GALNT10: variants seen among roughly 807,000 people sequenced by gnomAD.
The protein encoded by GALNT10 is polypeptide N-acetylgalactosaminyltransferase 10.
Under a neutral mutation model 75.0 loss-of-function variants are expected in GALNT10, and 41 were observed. That is an observed-to-expected ratio of 0.55 (90% CI 0.43 to 0.71). The LOEUF (loss-of-function observed/expected upper bound fraction) is 0.71, where lower values mean the gene tolerates loss of function less well. Among genes scored for constraint, GALNT10 ranks in the 30% least tolerant of loss-of-function variants. The pLI is 0.00. For synonymous variants in GALNT10, 302 were observed against 313.0 expected (o/e 0.96, Z 0.37); for missense variants, 727 against 818.5 (o/e 0.89, Z 1.36).
chr5:154,399,523 G>A (rs1208734362), intron 7 of GALNT10, among the ~76,000 whole-genome samples: 2 of 152,194 alleles, frequency 1.3e-5, no homozygotes, highest in African/African-American at 4.8e-5. Flanking sequence ...TTCTGCCCGA[G>A]AAACAAGGAA....
At chr5:154,359,195 C>T (rs34453739) in intron 4 of GALNT10, among the ~76,000 whole-genome samples, 13,601 of 152,148 alleles carry the variant, frequency 0.089, 1,461 homozygotes, top group African/African-American at 0.25. Flanking sequence ...TAAACGCACC[C>T]TCCTAACCAC....
chr5:154,326,720 G>T (rs1484285556), intron 3 of GALNT10, among the ~76,000 whole-genome samples: 1 of 152,154 alleles, frequency 6.6e-6, no homozygotes, highest in African/African-American at 2.4e-5. Context: ...GCAGATTAGG[G>T]ATTGCTAGCA....
intron 1 of GALNT10, among the ~76,000 whole-genome samples, chr5:154,268,199 G>T (rs1004518717): frequency 6.6e-6 from 1 of 152,172 alleles, no homozygotes; most frequent in Non-Finnish European, 1.5e-5. Context: ...TTGTAAGGGA[G>T]CAAGTCCCTA....
intron 1 of GALNT10, among the ~76,000 whole-genome samples, chr5:154,205,786 G>A (rs945698554): frequency 6.6e-6 from 1 of 152,188 alleles, no homozygotes; most frequent in African/African-American, 2.4e-5. Context: ...GAGTGATGCT[G>A]CCCTAAGCCA....
At position 154,191,012 on chromosome 5, in the gene GALNT10, C is replaced by G; in HGVS notation, c.146C>G (p.Pro49Arg). The change falls in exon 1 of 12, where the codon CCG (proline) becomes CGG (arginine). Residue 49 changes from proline to arginine, a missense_variant. Pro to Arg is a moderately radical substitution (Grantham distance 103, BLOSUM62 -2). Coordinates refer to ENST00000297107, the MANE Select transcript of GALNT10 (RefSeq NM_198321.4). The part of the protein sequence containing the change: ...TPGGSGAAVA[P>R]AAGQGSHSRQ... ...GGGGGATCGGGGGCGGCGGTGGCGC[C>G]GGCGGCGGGACAGGTGAGTCCCCCC... The G allele has an allele frequency of 6.9e-7, 1 of 1,456,868 alleles. No homozygotes were observed. The highest frequency in any genetic ancestry group is 9.1e-7 in the Non-Finnish European group (1 of 1,099,582). The allele number at this position is 1,456,868 out of a possible 1,614,324, so 90.2% of individuals were successfully genotyped here. A position where few individuals can be genotyped will look rare whatever the true frequency, so the allele number is the denominator to read the frequency against.
chr5:154,369,585 C>G (rs913005078), intron 4 of GALNT10, among the ~76,000 whole-genome samples: 1 of 152,200 alleles, frequency 6.6e-6, no homozygotes, highest in East Asian at 1.9e-4. Flanking sequence ...TGTTTACTAA[C>G]GTGTACCCTC....
intron 3 of GALNT10, among the ~76,000 whole-genome samples, chr5:154,305,788 A>C (rs1242566946): frequency 1.3e-5 from 2 of 152,220 alleles, no homozygotes; most frequent in East Asian, 3.9e-4. Flanking sequence ...GAGGCCAAGG[A>C]GGGCGGATCA....
intron 1 of GALNT10, among the ~76,000 whole-genome samples, chr5:154,206,376 A>C (rs1048558855): frequency 1.3e-5 from 2 of 152,100 alleles, no homozygotes; most frequent in African/African-American, 4.8e-5. Context: ...GTCCCCACTA[A>C]ATTGATTTGG....
intron 4 of GALNT10, among the ~76,000 whole-genome samples, chr5:154,362,169 A>C (rs1023246526): frequency 6.6e-6 from 1 of 152,214 alleles, no homozygotes; most frequent in Non-Finnish European, 1.5e-5. Context: ...TATCCCCCTC[A>C]TTCCAACAAT....
intron 3 of GALNT10, among the ~76,000 whole-genome samples, chr5:154,325,482 C>T (rs1754743317): frequency 1.3e-5 from 2 of 151,974 alleles, no homozygotes; most frequent in Non-Finnish European, 2.9e-5. Context: ...ACTAGCAAAC[C>T]ATATTCAGCA....
chr5:154,393,553 C>T (rs142170736), intron 7 of GALNT10, among the ~76,000 whole-genome samples: 1 of 152,256 alleles, frequency 6.6e-6, no homozygotes, highest in South Asian at 2.1e-4. Context: ...GAAGAAGGGG[C>T]CAGGCACAGT....
intron 4 of GALNT10, among the ~76,000 whole-genome samples, chr5:154,354,592 G>C (rs1026991586): frequency 6.6e-6 from 1 of 152,190 alleles, no homozygotes; most frequent in African/African-American, 2.4e-5. Context: ...TACTCAGAAA[G>C]CCCCATCCCA....
chr5:154,400,473 G>A (rs922525507), intron 7 of GALNT10, among the ~76,000 whole-genome samples: 6 of 152,122 alleles, frequency 3.9e-5, no homozygotes, highest in African/African-American at 1.4e-4. Flanking sequence ...CCCTACACCA[G>A]CTCCAGAGCC....
intron 1 of GALNT10, among the ~76,000 whole-genome samples, chr5:154,235,782 T>A (rs1019951106): frequency 2.0e-5 from 3 of 152,176 alleles, no homozygotes; most frequent in African/African-American, 7.2e-5. Context: ...AGTTGGATAG[T>A]GCTTTGGGGT....
At position 154,219,803 on chromosome 5, in the gene GALNT10, C is replaced by T. The variant is rs528808056; in HGVS notation, c.159+28778C>T. 78 of 141,220 alleles carry T rather than the reference C, an allele frequency of 5.5e-4. 1 individual carries two copies. The highest frequency in any genetic ancestry group is 2.2e-3 in the African/African-American group (78 of 36,204). 8.7% of individuals were successfully genotyped at this position (141,220 alleles called of 1,614,324 possible). On this transcript the variant is annotated intron_variant, in intron 1 of 11. Transcript: ENST00000297107. ...AGTGAATTCTGTAAGATCTCAAACA[C>T]TCTCTCGCGCTCTCTCTCTCTCTCT... is the stretch of plus-strand genomic sequence containing the variant.
At chr5:154,283,461 A>T (rs1037443721) in intron 1 of GALNT10, among the ~76,000 whole-genome samples, 3 of 152,102 alleles carry the variant, frequency 2.0e-5, no homozygotes, top group East Asian at 1.9e-4. Context: ...TCTCTTAAAA[A>T]AAATAAATAA....
Position 154,386,297 on chromosome 5 carries a change from T to C in GALNT10, c.939-16T>C. On this transcript the variant is annotated splice_polypyrimidine_tract_variant and intron_variant, in intron 6 of 11. Coordinates refer to ENST00000297107, the MANE Select transcript of GALNT10 (RefSeq NM_198321.4). ...GGACATCTGCACCTTCACACCATGT[T>C]CTTCTTCTCTGACAGGTCTCCCGTG... 6.3e-7 allele frequency: 1 copy of C among 1,592,412 alleles called. No individual in the cohort carries two copies. The highest frequency in any genetic ancestry group is 8.6e-7 in the Non-Finnish European group (1 of 1,160,846).
At chr5:154,342,696 C>T (rs758711521) in intron 4 of GALNT10, among the ~76,000 whole-genome samples, 4 of 152,174 alleles carry the variant, frequency 2.6e-5, no homozygotes, top group Non-Finnish European at 5.9e-5. Flanking sequence ...GTTAAGATGC[C>T]TACAGCCTTG....
intron 1 of GALNT10, among the ~76,000 whole-genome samples, chr5:154,290,302 C>T (rs1331993781): frequency 1.5e-5 from 2 of 129,402 alleles, no homozygotes; most frequent in Non-Finnish European, 1.6e-5. Flanking sequence ...AGTAGAGACA[C>T]GGTTTCACCA....
Sources: allele counts gnomAD v4.1 joint callset (sites outside exome capture counted in the v4.1 genomes callset), GRCh38; gene constraint gnomAD v4.1.1; transcripts MANE v1.5; gene names NCBI Gene and HGNC (gene_info 2026-07-23, HGNC 2026-07-21).